Variants in HERC3 observed in about 807,000 individuals in gnomAD.
The protein encoded by HERC3 is probable E3 ubiquitin-protein ligase HERC3.
A neutral mutation model predicts 129.9 loss-of-function variants in HERC3; 58 were observed. The observed-to-expected ratio is 0.45, with a 90% CI of 0.36 to 0.56. The LOEUF (loss-of-function observed/expected upper bound fraction) is 0.56, where lower values mean the gene tolerates loss of function less well. Among genes scored for constraint, HERC3 ranks in the 20% least tolerant of loss-of-function variants. The pLI is 0.00. For missense variants in HERC3, 835 were observed against 1,244.2 expected (o/e 0.67, Z 4.95); for synonymous variants, 430 against 451.0 (o/e 0.95, Z 0.59).
chr4:88,599,635 C>T lies in HERC3; in HGVS notation c.-30+4021C>T, dbSNP rs138869838. ...ACAAAAAAAGCTGATAGACCCAGGACGCCAAATTAATAATGAGAATTAGAA... is the reference window on the plus strand; with the variant it reads ...ACAAAAAAAGCTGATAGACCCAGGATGCCAAATTAATAATGAGAATTAGAA... On this transcript the variant is annotated intron_variant, in intron 2 of 25. Coordinates refer to ENST00000402738, the MANE Select transcript of HERC3 (RefSeq NM_014606.3). Among the ~76,000 whole-genome samples the T allele has an allele frequency of 2.1e-3, 316 of 152,188 alleles. 1 individual carries two copies. Among genetic ancestry groups the T allele is most frequent in the South Asian group, 8.5e-3 (41 of 4,806 alleles).
the HERC3 span, among the ~76,000 whole-genome samples, chr4:88,574,715 C>T: frequency 6.6e-6 from 1 of 152,100 alleles, no homozygotes; most frequent in Non-Finnish European, 1.5e-5. Context: ...GCATAATGTC[C>T]TCAAGGTTCA....
At chr4:88,562,873 T>C in the HERC3 span, among the ~76,000 whole-genome samples, 1 of 152,234 alleles carries the variant, frequency 6.6e-6, no homozygotes, top group African/African-American at 2.4e-5. Flanking sequence ...TCTGTTTTTA[T>C]GCCCGTCCCA....
intron 23 of HERC3, chr4:88,690,801 GTCAC>G (rs1361885165): frequency 6.3e-6 from 1 of 159,866 alleles, no homozygotes; most frequent in Admixed American, 6.5e-5. Context: ...CTCTCTCCCT[GTCAC>G]TCTCACTGTC....
chr4:88,546,982 C>T, the HERC3 span, among the ~76,000 whole-genome samples: 1 of 152,096 alleles, frequency 6.6e-6, no homozygotes, highest in African/African-American at 2.4e-5. Flanking sequence ...GTTTCTTGGT[C>T]TATAATTGAA....
intron 3 of HERC3, among the ~76,000 whole-genome samples, chr4:88,623,559 G>A (rs972891081): frequency 6.6e-6 from 1 of 152,138 alleles, no homozygotes. Context: ...CCCACTCGCA[G>A]TCTGGGTTCG....
chr4:88,544,256 C>T, the HERC3 span, among the ~76,000 whole-genome samples: 3 of 152,032 alleles, frequency 2.0e-5, no homozygotes, highest in African/African-American at 7.2e-5. Flanking sequence ...AAAAAGTGGA[C>T]GAAGAATATG....
chr4:88,575,450 G>C, the HERC3 span, among the ~76,000 whole-genome samples: 4 of 152,174 alleles, frequency 2.6e-5, no homozygotes, highest in South Asian at 4.2e-4. Flanking sequence ...GCTCTCTTTT[G>C]CTCCCCCATC....
chr4:88,657,918 G>A (rs1445947477), intron 9 of HERC3, among the ~76,000 whole-genome samples: 2 of 152,140 alleles, frequency 1.3e-5, no homozygotes, highest in Non-Finnish European at 2.9e-5. Flanking sequence ...GAGGCACCGA[G>A]ATGTGAAATA....
At chr4:88,674,309 G>T (rs759034915) in intron 16 of HERC3, among the ~76,000 whole-genome samples, 1 of 152,186 alleles carries the variant, frequency 6.6e-6, no homozygotes, top group Non-Finnish European at 1.5e-5. Context: ...AGACAAAACT[G>T]CTGATTGATG....
At chr4:88,582,883 A>G in the HERC3 span, among the ~76,000 whole-genome samples, 22 of 152,328 alleles carry the variant, frequency 1.4e-4, no homozygotes, top group African/African-American at 4.8e-4. Flanking sequence ...CAAATTGCCT[A>G]CATCCCCCAC....
intron 14 of HERC3, among the ~76,000 whole-genome samples, chr4:88,669,488 A>G (rs980412003): frequency 1.3e-5 from 2 of 152,196 alleles, no homozygotes; most frequent in African/African-American, 4.8e-5. Context: ...TTTCTGCTTC[A>G]GGATTTAGTG....
chr4:88,533,262 C>T, the HERC3 span, among the ~76,000 whole-genome samples: 4 of 152,156 alleles, frequency 2.6e-5, no homozygotes, highest in Non-Finnish European at 5.9e-5. Flanking sequence ...ATTCTGCCCA[C>T]GCTGGCAGGT....
intron 3 of HERC3, among the ~76,000 whole-genome samples, chr4:88,609,850 TAGAC>T (rs1276069473): frequency 6.6e-6 from 1 of 152,232 alleles, no homozygotes. Flanking sequence ...GGCTACTCCA[TAGAC>T]AGAGCCCTGA....
At position 88,664,192 on chromosome 4, in the gene HERC3, T is replaced by G. The variant is rs1196669827; in HGVS notation, c.1311T>G (p.Asn437Lys). ...TATTATCTTCTGCAGCCTGTTGGAA[T>G]GGAAGTTTTCTTGAAAAAAAGTAAG... is the stretch of plus-strand genomic sequence containing the variant. ...VQILSSAACW[N>K]GSFLEKKIDE... The change falls in exon 12 of 26, where the codon AAT becomes AAG. Residue 437 changes from asparagine (N) to lysine (K), a missense_variant. Transcript: ENST00000402738. The G allele has an allele frequency of 6.2e-7, 1 of 1,613,470 alleles. No individual in the cohort carries two copies. Among genetic ancestry groups the G allele is most frequent in the Non-Finnish European group, 8.5e-7 (1 of 1,179,616 alleles).
chr4:88,663,597 G>T (rs1440769615), intron 11 of HERC3, among the ~76,000 whole-genome samples: 1 of 152,118 alleles, frequency 6.6e-6, no homozygotes, highest in African/African-American at 2.4e-5. Context: ...ACACTGAATG[G>T]AAAGGCCCAG....
chr4:88,655,514 T>G (rs1729789814), intron 8 of HERC3, among the ~76,000 whole-genome samples: 2 of 152,200 alleles, frequency 1.3e-5, no homozygotes, highest in South Asian at 4.1e-4. Flanking sequence ...GACATTAGGC[T>G]TCTTTTGGGA....
chr4:88,700,088 G>A (rs1735189548), intron 23 of HERC3, among the ~76,000 whole-genome samples: 1 of 134,196 alleles, frequency 7.5e-6, no homozygotes, highest in South Asian at 2.7e-4. Flanking sequence ...ATTTGAGCCT[G>A]GCTTTTTTTT....
intron 1 of HERC3, among the ~76,000 whole-genome samples, chr4:88,595,100 CAA>C (rs758727600): frequency 1.8e-4 from 11 of 60,086 alleles, no homozygotes; most frequent in African/African-American, 4.6e-4. Flanking sequence ...GACTCTGTCT[CAA>C]AAAAAAAAAA....
At chr4:88,668,210 T>C in intron 14 of HERC3, 129 bp downstream of exon 14, 1 of 666,388 alleles carries the variant, frequency 1.5e-6, no homozygotes, top group South Asian at 2.1e-5. Flanking sequence ...ACTTAAAACC[T>C]TTTTTTCTTT....
Sources: allele counts gnomAD v4.1 joint callset (sites outside exome capture counted in the v4.1 genomes callset), GRCh38; gene constraint gnomAD v4.1.1; transcripts MANE v1.5; gene names NCBI Gene and HGNC (gene_info 2026-07-23, HGNC 2026-07-21).